Variants in ISLR observed in about 807,000 individuals in gnomAD.
ISLR encodes the protein immunoglobulin superfamily containing leucine-rich repeat protein.
ISLR carries 9 observed loss-of-function variants against 11.0 expected under a neutral mutation model. The ratio of observed to expected loss-of-function variants is 0.82; its 90% confidence interval spans 0.49 to 1.43. The LOEUF is 1.43. Ranked by LOEUF, ISLR falls within the 40% of genes most tolerant of loss-of-function variation. The probability of loss-of-function intolerance (pLI) is 0.00; values close to 1 mark genes in which losing one functional copy is unlikely to be tolerated. For synonymous variants in ISLR, 262 were observed against 264.1 expected (o/e 0.99, Z 0.08); for missense variants, 510 against 576.4 (o/e 0.88, Z 1.18).
In ISLR at chr15:74,175,514, C is replaced by T. The variant is rs1251986162; in HGVS notation, c.656C>T (p.Thr219Met). The change falls in exon 2 of 2, where the codon ACG (threonine) becomes ATG (methionine). Residue 219 changes from threonine to methionine, a missense_variant. Coordinates refer to ENST00000249842, the MANE Select transcript of ISLR (RefSeq NM_005545.4). The surrounding 1 kb of genome is among the most constrained non-coding windows in gnomAD (Gnocchi z 4.7). ...ACTSPHVLKGTPLSRLPPLPC... is the reference protein window; with the variant it reads ...ACTSPHVLKGMPLSRLPPLPC... ...ACCTCACCCCATGTGCTCAAGGGTA[C>T]GCCGCTGAGCCGCCTGCCGCCACTG... 2 of 1,609,680 alleles carry T rather than the reference C, an allele frequency of 1.2e-6. No individual in the cohort carries two copies. The highest frequency in any genetic ancestry group is 1.7e-5 in the Admixed American group (1 of 59,984).
In ISLR at chr15:74,176,461, T is replaced by A; in HGVS notation, c.*316T>A. ...CTAATCCAACTGGGAGAAGCCTCAG[T>A]GGTGGAATTCCAGGCACTGTGACTG... On this transcript the variant is annotated 3_prime_UTR_variant, in exon 2 of 2. Coordinates refer to ENST00000249842, the MANE Select transcript of ISLR (RefSeq NM_005545.4). The A allele has an allele frequency of 2.9e-6, 1 of 339,158 alleles. No homozygotes were observed. Among genetic ancestry groups the A allele is most frequent in the Non-Finnish European group, 5.6e-6 (1 of 177,204 alleles). 21.0% of individuals were successfully genotyped at this position (339,158 alleles called of 1,614,324 possible).
chr15:74,176,359 T>C lies in ISLR; in HGVS notation c.*214T>C. On this transcript the variant is annotated 3_prime_UTR_variant, in exon 2 of 2. Coordinates refer to ENST00000249842, the MANE Select transcript of ISLR (RefSeq NM_005545.4). ...GATAGAATTTGATCCCCTAACTCACTGTCTGCGGTGCTCATTGCTGCTAAC... is the reference window on the plus strand; with the variant it reads ...GATAGAATTTGATCCCCTAACTCACCGTCTGCGGTGCTCATTGCTGCTAAC... 2.0e-6 allele frequency: 1 copy of C among 500,478 alleles called. No individual in the cohort carries two copies. The highest frequency in any genetic ancestry group is 3.6e-6 in the Non-Finnish European group (1 of 278,832). 31.0% of individuals were successfully genotyped at this position (500,478 alleles called of 1,614,324 possible). A position where few individuals can be genotyped will look rare whatever the true frequency, so the allele number is the denominator to read the frequency against.
Position 74,175,898 on chromosome 15 carries a change from C to T in ISLR, c.1040C>T (p.Pro347Leu), listed in dbSNP as rs1308011425. The change falls in exon 2 of 2, where the codon CCC (proline) becomes CTC (leucine). Residue 347 changes from proline to leucine, a missense_variant. Coordinates refer to ENST00000249842, the MANE Select transcript of ISLR (RefSeq NM_005545.4). The surrounding 1 kb of genome is among the most constrained non-coding windows in gnomAD (Gnocchi z 4.7). The stretch of plus-strand genomic sequence containing the variant: ...TCAGTGGACGTGGCACTGGCCACGC[C>T]CGGTGAGGGTGGTGAGGACACACTG... ...ESSVDVALAT[P>L]GEGGEDTLGR... 5.6e-6 allele frequency: 9 copies of T among 1,613,544 alleles called. No homozygotes were observed. Among genetic ancestry groups the T allele is most frequent in the South Asian group, 4.4e-5 (4 of 91,010 alleles).
In ISLR at chr15:74,175,320, C is replaced by T. The variant is rs762215855; in HGVS notation, c.462C>T (p.Asn154=). Reference sequence around the variant, plus strand: ...GTGCTCTGCGCTCGCTGCAACTCAACCACAACCGCTTGCACACATTGGCCG... The same window carrying T: ...GTGCTCTGCGCTCGCTGCAACTCAATCACAACCGCTTGCACACATTGGCCG... ...SLRALRSLQL[N]HNRLHTLAEG... The change falls in exon 2 of 2, where the codon AAC becomes AAT. Residue 154 remains asparagine, a synonymous_variant. Coordinates refer to ENST00000249842, the MANE Select transcript of ISLR (RefSeq NM_005545.4). The surrounding 1 kb of genome is among the most constrained non-coding windows in gnomAD (Gnocchi z 4.7). 1.9e-6 allele frequency: 3 copies of T among 1,611,396 alleles called. No homozygotes were observed. In the South Asian group the frequency reaches 3.3e-5, roughly 18 times the overall value.
At position 74,175,764 on chromosome 15, in the gene ISLR, G is replaced by A. The variant is rs150921456; in HGVS notation, c.906G>A (p.Pro302=). ...GCACCCCTGTGGCCAGCTCCCAGCC[G>A]CGCTTCCAGGCCTTTGCCAATGGCA... ...LPGTPVASSQ[P]RFQAFANGSL... The change falls in exon 2 of 2, where the codon CCG becomes CCA. Residue 302 remains proline, a synonymous_variant. Coordinates refer to ENST00000249842, the MANE Select transcript of ISLR (RefSeq NM_005545.4). This position sits in a 1 kb window ranked among gnomAD's most constrained non-coding sequence, Gnocchi z 4.7. The A allele has an allele frequency of 0.01, 16,615 of 1,613,964 alleles. 93 individuals carry two copies. Among genetic ancestry groups the A allele is most frequent in the Non-Finnish European group, 0.013 (15,049 of 1,179,950 alleles).
At position 74,176,426 on chromosome 15, in the gene ISLR, G is replaced by A; in HGVS notation, c.*281G>A. The A allele has an allele frequency of 2.5e-6, 1 of 402,232 alleles. No homozygotes were observed. Among genetic ancestry groups the A allele is most frequent in the Non-Finnish European group, 4.6e-6 (1 of 217,168 alleles). 24.9% of individuals were successfully genotyped at this position (402,232 alleles called of 1,614,324 possible). ...TCCTCTCAGGGGCAGCATGCTAACG[G>A]GGCGACGTCCTAATCCAACTGGGAG... On this transcript the variant is annotated 3_prime_UTR_variant, in exon 2 of 2. Transcript: ENST00000249842.
In ISLR at chr15:74,175,289, G is replaced by T; in HGVS notation, c.431G>T (p.Ser144Ile). The stretch of plus-strand genomic sequence containing the variant: ...TTCATCCCCCGCGACGCCTTCCGCA[G>T]CCTCCGTGCTCTGCGCTCGCTGCAA... ...LTFIPRDAFR[S>I]LRALRSLQLN... The change falls in exon 2 of 2, where the codon AGC becomes ATC. Residue 144 changes from serine (S) to isoleucine (I), a missense_variant. By Grantham distance (142) the Ser-to-Ile change is moderately radical. Transcript: ENST00000249842. The surrounding 1 kb of genome is among the most constrained non-coding windows in gnomAD (Gnocchi z 4.7). 1 of 1,612,200 alleles carries T rather than the reference G, an allele frequency of 6.2e-7. No homozygotes were observed.
chr15:74,176,134 ACCT>A lies in ISLR; in HGVS notation c.1280_1282del (p.Ser427del). 1 of 1,548,910 alleles carries A rather than the reference ACCT, an allele frequency of 6.5e-7. No homozygotes were observed. ...AAGCCTCCTCCTCTTCTTCTTCCTCACCTCCTTCTAGCCCCACCCAGGGCTTCC... is the reference window on the plus strand; with the variant it reads ...AAGCCTCCTCCTCTTCTTCTTCCTCACCTTCTAGCCCCACCCAGGGCTTCC... On this transcript the variant is annotated inframe_deletion, in exon 2 of 2. Transcript: ENST00000249842.
chr15:74,175,055 C>T lies in ISLR; in HGVS notation c.197C>T (p.Pro66Leu), dbSNP rs1292585718. The change falls in exon 2 of 2, where the codon CCG becomes CTG. Residue 66 changes from proline (P) to leucine (L), a missense_variant. Coordinates refer to ENST00000249842, the MANE Select transcript of ISLR (RefSeq NM_005545.4). This position sits in a 1 kb window ranked among gnomAD's most constrained non-coding sequence, Gnocchi z 4.7. Reference sequence around the variant, plus strand: ...TCAGCCAACCGGCTGCCAGGCTTGCCGGAGGGTGCCTTCAGGGAGGTGCCC... The same window carrying T: ...TCAGCCAACCGGCTGCCAGGCTTGCTGGAGGGTGCCTTCAGGGAGGTGCCC... ...SLSANRLPGL[P>L]EGAFREVPLL... 1.1e-5 allele frequency: 17 copies of T among 1,611,050 alleles called. No individual in the cohort carries two copies. Among genetic ancestry groups the T allele is most frequent in the Admixed American group, 6.7e-5 (4 of 59,666 alleles).
rs375645002 is a variant in ISLR, at chr15:74,175,968, T to C, written c.1110T>C (p.Tyr370=). The C allele has an allele frequency of 2.2e-5, 35 of 1,611,930 alleles. No homozygotes were observed. Among genetic ancestry groups the C allele is most frequent in the Non-Finnish European group, 2.9e-5 (34 of 1,178,610 alleles). Residue 370 remains tyrosine (Y), a synonymous_variant, in exon 2 of 2, where the codon TAT becomes TAC. Coordinates refer to ENST00000249842, the MANE Select transcript of ISLR (RefSeq NM_005545.4). This position sits in a 1 kb window ranked among gnomAD's most constrained non-coding sequence, Gnocchi z 4.7. ...HGKAVEGKGC[Y]TVDNEVQPSG... ...AAGCGGTTGAGGGAAAGGGCTGCTA[T>C]ACGGTTGACAACGAGGTGCAGCCAT...
Position 74,175,377 on chromosome 15 carries a change from C to A in ISLR, c.519C>A (p.Ser173=), listed in dbSNP as rs773394551. The A allele has an allele frequency of 4.3e-6, 7 of 1,611,642 alleles. No homozygotes were observed. Among genetic ancestry groups the A allele is most frequent in the Non-Finnish European group, 5.1e-6 (6 of 1,179,890 alleles). Reference sequence around the variant, plus strand: ...CCTTCACCCCGCTCACCGCGCTGTCCCACCTGCAGATCAACGAGAACCCCT... The same window carrying A: ...CCTTCACCCCGCTCACCGCGCTGTCACACCTGCAGATCAACGAGAACCCCT... ...EGTFTPLTAL[S]HLQINENPFD... The change falls in exon 2 of 2, where the codon TCC becomes TCA. Residue 173 remains serine, a synonymous_variant. Coordinates refer to ENST00000249842, the MANE Select transcript of ISLR (RefSeq NM_005545.4). This position sits in a 1 kb window ranked among gnomAD's most constrained non-coding sequence, Gnocchi z 4.7.
rs565006791 is a variant in ISLR at position 74,176,192 on chromosome 15, C to T, written c.*47C>T. The T allele has an allele frequency of 2.2e-5, 32 of 1,471,378 alleles. No individual in the cohort carries two copies. Among genetic ancestry groups the T allele is most frequent in the Non-Finnish European group, 2.6e-5 (28 of 1,094,116 alleles). 91.1% of individuals were successfully genotyped at this position (1,471,378 alleles called of 1,614,324 possible). ...CTCCTCCCCTTGCCCCTACCAATGC[C>T]CCTTTAAGTGCTGCAGGGGTCTGGG... On this transcript the variant is annotated 3_prime_UTR_variant, in exon 2 of 2. Transcript: ENST00000249842.
At position 74,176,112 on chromosome 15, in the gene ISLR, C is replaced by A. The variant is rs1165986534; in HGVS notation, c.1254C>A (p.Ser418Arg). 1.3e-6 allele frequency: 2 copies of A among 1,569,558 alleles called. No homozygotes were observed. Among genetic ancestry groups the A allele is most frequent in the Non-Finnish European group, 1.7e-6 (2 of 1,157,914 alleles). ...LPPGLLLLGQSLLLFFFLTSF is the reference protein window; with the variant it reads ...LPPGLLLLGQRLLLFFFLTSF ...CAGGCCTGCTCCTGCTGGGCCAAAG[C>A]CTCCTCCTCTTCTTCTTCCTCACCT... is the stretch of plus-strand genomic sequence containing the variant. The change falls in exon 2 of 2, where the codon AGC becomes AGA. Residue 418 changes from serine to arginine, a missense_variant. Coordinates refer to ENST00000249842, the MANE Select transcript of ISLR (RefSeq NM_005545.4).
Position 74,175,857 on chromosome 15 carries a change from G to C in ISLR, c.999G>C (p.Leu333=). Residue 333 remains leucine, a synonymous_variant, in exon 2 of 2, where the codon CTG becomes CTC. Coordinates refer to ENST00000249842, the MANE Select transcript of ISLR (RefSeq NM_005545.4). This position sits in a 1 kb window ranked among gnomAD's most constrained non-coding sequence, Gnocchi z 4.7. ...ACAGCTGCCTGGCCACCAATGAGCT[G>C]GGCAGTGCTGAGAGCTCAGTGGACG... ...GTYSCLATNE[L]GSAESSVDVA... 1 of 1,614,060 alleles carries C rather than the reference G, an allele frequency of 6.2e-7. No individual in the cohort carries two copies. The highest frequency in any genetic ancestry group is 8.5e-7 in the Non-Finnish European group (1 of 1,179,998).
In ISLR at chr15:74,175,756, T is replaced by TC. The variant is rs1368237042; in HGVS notation, c.901dup (p.Gln301ProfsTer32). The TC allele has an allele frequency of 6.2e-7, 1 of 1,613,994 alleles. No homozygotes were observed. The highest frequency in any genetic ancestry group is 1.7e-5 in the Admixed American group (1 of 60,022). On this transcript the variant is annotated frameshift_variant, in exon 2 of 2. Coordinates refer to ENST00000249842, the MANE Select transcript of ISLR (RefSeq NM_005545.4). LOFTEE classifies it high-confidence loss of function. The surrounding 1 kb of genome is among the most constrained non-coding windows in gnomAD (Gnocchi z 4.7). ...CCTGCCTGGCACCCCTGTGGCCAGCTCCCAGCCGCGCTTCCAGGCCTTTGC... is the reference window on the plus strand; with the variant it reads ...CCTGCCTGGCACCCCTGTGGCCAGCTCCCCAGCCGCGCTTCCAGGCCTTTGC...
chr15:74,176,214 TG>T lies in ISLR; in HGVS notation c.*73del. The T allele has an allele frequency of 1.5e-6, 2 of 1,360,778 alleles. No homozygotes were observed. Among genetic ancestry groups the T allele is most frequent in the African/African-American group, 1.5e-5 (1 of 68,826 alleles). The allele number at this position is 1,360,778 out of a possible 1,614,324, so 84.3% of individuals were successfully genotyped here. On this transcript the variant is annotated 3_prime_UTR_variant, in exon 2 of 2. Coordinates refer to ENST00000249842, the MANE Select transcript of ISLR (RefSeq NM_005545.4). The stretch of plus-strand genomic sequence containing the variant: ...TGCCCCTTTAAGTGCTGCAGGGGTC[TG>T]GGGTTGGCAACTCCTGAGGCCTGCA...
chr15:74,175,455 C>T lies in ISLR; in HGVS notation c.597C>T (p.Ala199=), dbSNP rs11854957. 0.18 allele frequency: 297,703 copies of T among 1,611,214 alleles called. 31,826 individuals carry two copies. Among genetic ancestry groups the T allele is most frequent in the Non-Finnish European group, 0.21 (252,727 of 1,179,902 alleles). ...TCAAGACATGGGCCCTGACCACGGCCGTGTCCATCCCGGAGCAGGACAACA... is the reference window on the plus strand; with the variant it reads ...TCAAGACATGGGCCCTGACCACGGCTGTGTCCATCCCGGAGCAGGACAACA... ...VWLKTWALTT[A]VSIPEQDNIA... The change falls in exon 2 of 2, where the codon GCC becomes GCT. Residue 199 remains alanine, a synonymous_variant. Coordinates refer to ENST00000249842, the MANE Select transcript of ISLR (RefSeq NM_005545.4). This position sits in a 1 kb window ranked among gnomAD's most constrained non-coding sequence, Gnocchi z 4.7.
rs1595813750 is a variant in ISLR, at chr15:74,173,823, T to A, written c.-205T>A. 1 of 154,366 alleles carries A rather than the reference T, an allele frequency of 6.5e-6. No individual in the cohort carries two copies. The highest frequency in any genetic ancestry group is 1.5e-5 in the Non-Finnish European group (1 of 68,214). The allele number at this position is 154,366 out of a possible 1,614,324, so 9.6% of individuals were successfully genotyped here. A position where few individuals can be genotyped will look rare whatever the true frequency, so the allele number is the denominator to read the frequency against. On this transcript the variant is annotated 5_prime_UTR_variant, in exon 1 of 2. Transcript: ENST00000249842. Reference sequence around the variant, plus strand: ...CCTGCCGCCTCCTCTCAGTGGATGGTTCCAGGCACCCTGTCTGGGGCAGGG... The same window carrying A: ...CCTGCCGCCTCCTCTCAGTGGATGGATCCAGGCACCCTGTCTGGGGCAGGG...
chr15:74,174,122 T>A (rs1311649268), intron 1 of ISLR, 103 bp downstream of exon 1: 3 of 152,268 alleles, frequency 2.0e-5, no homozygotes, highest in Non-Finnish European at 4.4e-5. Context: ...TGGTCTGAGG[T>A]GCGTGGGACA....
Sources: gnomAD v4.1 joint callset for allele counts on GRCh38, gnomAD v4.1.1 for gene constraint, Gnocchi (gnomAD v3.1) non-coding constraint, MANE v1.5 for transcripts, NCBI Gene and HGNC (gene_info 2026-07-23, HGNC 2026-07-21) for gene names.